Variants in TRANK1 observed in about 807,000 individuals in gnomAD.
The protein encoded by TRANK1 is TPR and ankyrin repeat-containing protein 1.
Under a neutral mutation model 266.0 loss-of-function variants are expected in TRANK1, and 198 were observed. The ratio of observed to expected loss-of-function variants is 0.74; its 90% CI spans 0.66 to 0.84. The LOEUF is 0.84. TRANK1 is among the 40% of genes least tolerant of loss of function. The pLI is 0.00. For missense variants in TRANK1, 3,326 were observed against 3,634.6 expected (o/e 0.92, Z 2.18); for synonymous variants, 1,396 against 1,384.1 (o/e 1.01, Z -0.19).
At chr3:36,898,901 A>G (rs1410518752) in intron 4 of TRANK1, among the ~76,000 whole-genome samples, 1 of 152,084 alleles carries the variant, frequency 6.6e-6, no homozygotes, top group Non-Finnish European at 1.5e-5. Context: ...TTAGTCATTT[A>G]TGTGAAAAGG....
At chr3:36,863,608 T>C (rs1041214145) in intron 10 of TRANK1, among the ~76,000 whole-genome samples, 6 of 152,212 alleles carry the variant, frequency 3.9e-5, no homozygotes, top group Non-Finnish European at 8.8e-5. Flanking sequence ...AGACTAATTG[T>C]TCTATATTCA....
At position 36,832,527 on chromosome 3, in the gene TRANK1, G is replaced by T. The variant is rs1284774571; in HGVS notation, c.7056C>A (p.His2352Gln). The T allele has an allele frequency of 6.2e-7, 1 of 1,613,860 alleles. No individual in the cohort carries two copies. The highest frequency in any genetic ancestry group is 8.5e-7 in the Non-Finnish European group (1 of 1,179,874). ...NYPEEFEKLL[H>Q]QEEDNYNREL... ...CCCTGTTGTAGTTGTCCTCCTCCTG[G>T]TGGAGCAGCTTTTCAAACTCCTCCG... Residue 2352 changes from histidine to glutamine, a missense_variant, in exon 22 of 24, where the codon CAC (histidine) becomes CAA (glutamine). Physicochemically the swap from His to Gln is conservative, Grantham distance 24. Coordinates refer to ENST00000645898, the MANE Select transcript of TRANK1 (RefSeq NM_001329998.2).
intron 8 of TRANK1, among the ~76,000 whole-genome samples, chr3:36,883,444 CAA>C (rs34988717): frequency 0.019 from 1,755 of 93,430 alleles, 26 homozygotes; most frequent in African/African-American, 0.05. Context: ...GACTCTGTCT[CAA>C]AAAAAAAAAA....
chr3:36,886,638 C>T (rs2079609939), intron 8 of TRANK1, among the ~76,000 whole-genome samples: 1 of 151,980 alleles, frequency 6.6e-6, no homozygotes, highest in African/African-American at 2.4e-5. Context: ...AATGGCCTGG[C>T]ACGGTGGCTC....
Position 36,832,175 on chromosome 3 carries a change from G to C in TRANK1, c.7408C>G (p.Leu2470Val), listed in dbSNP as rs1266191215. ...FIHCGVVLAR[L>V]WKNVILCLPK... Reference sequence around the variant, plus strand: ...AGGCATAGAATGACATTCTTCCAGAGGCGGGCCAGCACCACCCCACAGTGG... The same window carrying C: ...AGGCATAGAATGACATTCTTCCAGACGCGGGCCAGCACCACCCCACAGTGG... The change falls in exon 22 of 24, where the codon CTC (leucine) becomes GTC (valine). Residue 2470 changes from leucine to valine, a missense_variant. Leu to Val is a conservative substitution (Grantham distance 32, BLOSUM62 1). Coordinates refer to ENST00000645898, the MANE Select transcript of TRANK1 (RefSeq NM_001329998.2). 1.2e-6 allele frequency: 2 copies of C among 1,613,896 alleles called. No homozygotes were observed. Among genetic ancestry groups the C allele is most frequent in the African/African-American group, 2.7e-5 (2 of 74,928 alleles).
intron 1 of TRANK1, among the ~76,000 whole-genome samples, chr3:36,919,373 G>A (rs1450213389): frequency 1.3e-5 from 2 of 152,054 alleles, no homozygotes; most frequent in Non-Finnish European, 2.9e-5. Context: ...ACCTGTTCTT[G>A]AACCCCATAA....
intron 3 of TRANK1, among the ~76,000 whole-genome samples, chr3:36,901,736 G>A (rs2079886229): frequency 6.6e-6 from 1 of 152,124 alleles, no homozygotes; most frequent in South Asian, 2.1e-4. Context: ...AGAGAGGATG[G>A]AGAGAGACTC....
At chr3:36,893,254 C>T (rs1160536253) in intron 5 of TRANK1, among the ~76,000 whole-genome samples, 1 of 150,882 alleles carries the variant, frequency 6.6e-6, no homozygotes, top group Non-Finnish European at 1.5e-5. Flanking sequence ...TGTCATGTAG[C>T]ATTTCACAGC....
chr3:36,842,813 C>T, intron 17 of TRANK1, 103 bp from the exon 18 acceptor site: 1 of 1,028,604 alleles, frequency 9.7e-7, no homozygotes, highest in South Asian at 1.4e-5. Flanking sequence ...ATCAAATTCA[C>T]TTGTTAAAGT....
chr3:36,898,139 C>A (rs980500055), intron 4 of TRANK1, among the ~76,000 whole-genome samples: 1 of 152,142 alleles, frequency 6.6e-6, no homozygotes, highest in Non-Finnish European at 1.5e-5. Flanking sequence ...TCTCAATAGA[C>A]TGGAAAAATA....
At chr3:36,848,386 G>A (rs1027384985) in intron 15 of TRANK1, among the ~76,000 whole-genome samples, 1 of 152,180 alleles carries the variant, frequency 6.6e-6, no homozygotes, top group Non-Finnish European at 1.5e-5. Flanking sequence ...CAGTAAAACT[G>A]AAGTGCCCAG....
At position 36,892,325 on chromosome 3, in the gene TRANK1, C is replaced by T. The variant is rs1296860686; in HGVS notation, c.652G>A (p.Gly218Arg). 1 of 1,536,840 alleles carries T rather than the reference C, an allele frequency of 6.5e-7. No individual in the cohort carries two copies. The highest frequency in any genetic ancestry group is 1.2e-5 in the South Asian group (1 of 84,004). ...ACTTGTTCCATCTTCTCATAAAGTC[C>T]AATGAAAACGTATTTCTGGGGAAAA... is the stretch of plus-strand genomic sequence containing the variant. Reference protein sequence around the residue: ...KSLFEKYVFIGLYEKMEQVPK... With the variant: ...KSLFEKYVFIRLYEKMEQVPK... The change falls in exon 7 of 24, where the codon GGA (glycine) becomes AGA (arginine). Residue 218 changes from glycine (G) to arginine (R), a missense_variant. By Grantham distance (125) the Gly-to-Arg change is moderately radical (BLOSUM62 -2). Coordinates refer to ENST00000645898, the MANE Select transcript of TRANK1 (RefSeq NM_001329998.2).
chr3:36,885,373 T>C (rs2079587880), intron 8 of TRANK1, among the ~76,000 whole-genome samples: 1 of 152,114 alleles, frequency 6.6e-6, no homozygotes, highest in Admixed American at 6.5e-5. Flanking sequence ...ACCAAATAAC[T>C]GACTACTACT....
chr3:36,912,699 C>T (rs2125636924), intron 1 of TRANK1, among the ~76,000 whole-genome samples: 1 of 152,224 alleles, frequency 6.6e-6, no homozygotes, highest in East Asian at 1.9e-4. Flanking sequence ...TTTTATGACT[C>T]ATTGTGTATA....
intron 1 of TRANK1, among the ~76,000 whole-genome samples, chr3:36,930,618 TA>T (rs752456216): frequency 6.6e-6 from 1 of 151,930 alleles, no homozygotes; most frequent in Non-Finnish European, 1.5e-5. Context: ...ACCACAGCAA[TA>T]AAAGGAACAA....
intron 1 of TRANK1, among the ~76,000 whole-genome samples, chr3:36,915,653 G>C (rs566367790): frequency 2.0e-5 from 3 of 152,162 alleles, no homozygotes; most frequent in Non-Finnish European, 4.4e-5. Flanking sequence ...GTCTGTTAGG[G>C]AGATGAACAT....
intron 11 of TRANK1, among the ~76,000 whole-genome samples, chr3:36,860,622 T>C (rs1024118480): frequency 1.3e-5 from 2 of 152,112 alleles, no homozygotes; most frequent in Non-Finnish European, 2.9e-5. Context: ...CCAAGGACCC[T>C]TCACACACCT....
chr3:36,851,867 A>G lies in TRANK1; in HGVS notation c.4750-11T>C, dbSNP rs771320225. The G allele has an allele frequency of 5.1e-6, 8 of 1,580,546 alleles. No homozygotes were observed. The Admixed American group carries it at 1.1e-4, about 22-fold the overall frequency. On this transcript the variant is annotated splice_polypyrimidine_tract_variant and intron_variant, in intron 14 of 23. Transcript: ENST00000645898. Reference sequence around the variant, plus strand: ...GGCCACAAGGATTACCTGAAGAAAAACAAAAGAACATCAAATTCTACAGAG... The same window carrying G: ...GGCCACAAGGATTACCTGAAGAAAAGCAAAAGAACATCAAATTCTACAGAG...
At chr3:36,848,965 C>A (rs534933663) in intron 15 of TRANK1, among the ~76,000 whole-genome samples, 1 of 152,304 alleles carries the variant, frequency 6.6e-6, no homozygotes, top group East Asian at 1.9e-4. Flanking sequence ...TGGCCTGTTT[C>A]ATGAATCAAA....
Sources: gnomAD v4.1 joint callset for allele counts (sites outside exome capture counted in the v4.1 genomes callset) on GRCh38, gnomAD v4.1.1 for gene constraint, MANE v1.5 for transcripts, NCBI Gene and HGNC (gene_info 2026-07-23, HGNC 2026-07-21) for gene names.